PPP1R14C: variants seen among roughly 807,000 people sequenced by gnomAD.
The protein encoded by PPP1R14C is protein phosphatase 1 regulatory subunit 14C.
A neutral mutation model predicts 20.4 loss-of-function variants in PPP1R14C; 16 were observed. The observed-to-expected ratio is 0.78, with a 90% CI of 0.53 to 1.19. The LOEUF is 1.19. Ranked by LOEUF, PPP1R14C falls within the 50% of genes most tolerant of loss-of-function variation. The pLI is 0.00. For synonymous variants in PPP1R14C, 91 were observed against 91.0 expected (o/e 1.00, Z 0.00); for missense variants, 211 against 220.1 (o/e 0.96, Z 0.26).
chr6:150,174,360 C>T (rs1777533906), intron 1 of PPP1R14C, among the ~76,000 whole-genome samples: 1 of 151,960 alleles, frequency 6.6e-6, no homozygotes, highest in African/African-American at 2.4e-5. Context: ...GCTGGGACTA[C>T]CGGTGCCCCC....
rs778261326 is a variant in PPP1R14C at position 150,143,306 on chromosome 6, C to A, written c.114C>A (p.Ser38Arg). The A allele has an allele frequency of 1.8e-5, 29 of 1,571,592 alleles. No individual in the cohort carries two copies. Among genetic ancestry groups the A allele is most frequent in the Middle Eastern group, 1.8e-4 (1 of 5,664 alleles). Residue 38 changes from serine to arginine, a missense_variant, in exon 1 of 4, where the codon AGC (serine) becomes AGA (arginine). Ser to Arg is a moderately radical substitution (Grantham distance 110). Coordinates refer to ENST00000361131, the MANE Select transcript of PPP1R14C (RefSeq NM_030949.3). This position sits in a 1 kb window ranked among gnomAD's most constrained non-coding sequence, Gnocchi z 5.6. The stretch of plus-strand genomic sequence containing the variant: ...CCGGTGGCAGCCCCGGCTCCAGCAG[C>A]GGCTCAGGCTCCTCCCGGGAGGACT... ...GGAGGSPGSS[S>R]GSGSSREDSA...
intron 1 of PPP1R14C, among the ~76,000 whole-genome samples, chr6:150,158,477 G>A (rs149975432): frequency 2.6e-5 from 4 of 152,266 alleles, no homozygotes; most frequent in African/African-American, 9.6e-5. Flanking sequence ...TTTCTGCAAT[G>A]GGAGCTCTAT....
intron 1 of PPP1R14C, among the ~76,000 whole-genome samples, chr6:150,161,395 A>C (rs12530370): frequency 0.078 from 11,863 of 152,270 alleles, 503 homozygotes; most frequent in African/African-American, 0.081. Flanking sequence ...GCAAGAAAAT[A>C]TATGTGTGTA....
At chr6:150,229,640 A>G (rs537512008) in intron 3 of PPP1R14C, among the ~76,000 whole-genome samples, 1 of 152,356 alleles carries the variant, frequency 6.6e-6, no homozygotes, top group East Asian at 1.9e-4. Context: ...CAGATAGTCT[A>G]GAAAATAAGT....
In PPP1R14C at chr6:150,214,774, A is replaced by G. The variant is rs995640713; in HGVS notation, c.337A>G (p.Ile113Val). 3 of 1,613,296 alleles carry G rather than the reference A, an allele frequency of 1.9e-6. No homozygotes were observed. The African/African-American group carries it at 4.0e-5, about 22-fold the overall frequency. The change falls in exon 2 of 4, where the codon ATT (isoleucine) becomes GTT (valine). Residue 113 changes from isoleucine (I) to valine (V), a missense_variant. Coordinates refer to ENST00000361131, the MANE Select transcript of PPP1R14C (RefSeq NM_030949.3). ...EEEMPEVEIDIDDLLDADSDE... is the reference protein window; with the variant it reads ...EEEMPEVEIDVDDLLDADSDE... ...AGAAATGCCAGAGGTAGAAATTGAC[A>G]TTGATGATCTTCTTGATGCAGACAG...
intron 1 of PPP1R14C, among the ~76,000 whole-genome samples, chr6:150,158,658 A>G (rs1486913419): frequency 6.6e-6 from 1 of 152,212 alleles, no homozygotes; most frequent in Non-Finnish European, 1.5e-5. Flanking sequence ...GTTTTGTGCA[A>G]TGCACATGTA....
intron 1 of PPP1R14C, among the ~76,000 whole-genome samples, chr6:150,162,604 C>G (rs56255643): frequency 2.6e-5 from 4 of 151,956 alleles, no homozygotes; most frequent in African/African-American, 4.8e-5. Flanking sequence ...TGAAGGACAT[C>G]TTGGTTGCTT....
At chr6:150,246,060 C>T (rs1324146008) in intron 3 of PPP1R14C, among the ~76,000 whole-genome samples, 1 of 152,064 alleles carries the variant, frequency 6.6e-6, no homozygotes, top group Non-Finnish European at 1.5e-5. Context: ...TTTTTAATCT[C>T]TGAAATTTAT....
At chr6:150,207,880 CCT>C (rs1380416432) in intron 1 of PPP1R14C, among the ~76,000 whole-genome samples, 1 of 152,154 alleles carries the variant, frequency 6.6e-6, no homozygotes, top group Non-Finnish European at 1.5e-5. Context: ...CAATTTCCAA[CCT>C]CAAGGCCTGG....
In PPP1R14C at chr6:150,212,582, A is replaced by G. The variant is rs565666228; in HGVS notation, c.307-2162A>G. Among the ~76,000 whole-genome samples, 18 of 152,312 alleles carry G rather than the reference A, an allele frequency of 1.2e-4. No homozygotes were observed. The East Asian group carries it at 3.5e-3, about 29-fold the overall frequency. On this transcript the variant is annotated intron_variant, in intron 1 of 3. Transcript: ENST00000361131. ...GGCATTAGTTACTAATTGTTCTCTC[A>G]TTTCCTTTAAAAATAGCAGACACCA...
At chr6:150,153,435 A>G (rs1253950195) in intron 1 of PPP1R14C, among the ~76,000 whole-genome samples, 1 of 152,252 alleles carries the variant, frequency 6.6e-6, no homozygotes, top group East Asian at 1.9e-4. Context: ...AGGGATCACG[A>G]GTTACTGCCA....
At chr6:150,159,124 C>T (rs1345954158) in intron 1 of PPP1R14C, among the ~76,000 whole-genome samples, 1 of 152,172 alleles carries the variant, frequency 6.6e-6, no homozygotes, top group African/African-American at 2.4e-5. Context: ...TTCTGGAGCC[C>T]AGCCCTTTCC....
intron 1 of PPP1R14C, among the ~76,000 whole-genome samples, chr6:150,175,324 T>C (rs1334270154): frequency 6.6e-6 from 1 of 152,212 alleles, no homozygotes; most frequent in Admixed American, 6.5e-5. Flanking sequence ...GAGCTGGGTC[T>C]CTTGGATCTG....
Position 150,143,070 on chromosome 6 carries a change from C to A in PPP1R14C, c.-123C>A, listed in dbSNP as rs1777131787. The A allele has an allele frequency of 9.2e-7, 1 of 1,087,008 alleles. No individual in the cohort carries two copies. The highest frequency in any genetic ancestry group is 1.1e-6 in the Non-Finnish European group (1 of 899,886). The allele number at this position is 1,087,008 out of a possible 1,614,324, so 67.3% of individuals were successfully genotyped here. Reference sequence around the variant, plus strand: ...GAGCAGCCGGGCGGCTGGGCGCGCGCGGCGCAGAGCAGGTGCCGGGGAGCC... The same window carrying A: ...GAGCAGCCGGGCGGCTGGGCGCGCGAGGCGCAGAGCAGGTGCCGGGGAGCC... On this transcript the variant is annotated 5_prime_UTR_variant, in exon 1 of 4. Transcript: ENST00000361131. The surrounding 1 kb of genome is among the most constrained non-coding windows in gnomAD (Gnocchi z 5.6).
chr6:150,204,084 G>A (rs1777912120), intron 1 of PPP1R14C, among the ~76,000 whole-genome samples: 1 of 152,244 alleles, frequency 6.6e-6, no homozygotes, highest in African/African-American at 2.4e-5. Flanking sequence ...CCTGAGAAGA[G>A]AGGCTGCTGT....
rs146666154 is a variant in PPP1R14C, at chr6:150,191,971, G to C, written c.307-22773G>C. ...GGTACAGATTACTGTGTGCACAGAGGCTGGAGCTTGCTGACTCAGTGTCTG... is the reference window on the plus strand; with the variant it reads ...GGTACAGATTACTGTGTGCACAGAGCCTGGAGCTTGCTGACTCAGTGTCTG... On this transcript the variant is annotated intron_variant, in intron 1 of 3. Transcript: ENST00000361131. Among the ~76,000 whole-genome samples the C allele has an allele frequency of 7.9e-3, 1,209 of 152,256 alleles. 18 individuals are homozygous for C. The highest frequency in any genetic ancestry group is 0.026 in the African/African-American group (1,098 of 41,550).
intron 1 of PPP1R14C, among the ~76,000 whole-genome samples, chr6:150,180,601 T>A (rs1296132021): frequency 6.6e-6 from 1 of 152,204 alleles, no homozygotes; most frequent in African/African-American, 2.4e-5. Context: ...CCTGTTGTTT[T>A]CTCTGATGTC....
At chr6:150,166,541 A>G (rs1777424093) in intron 1 of PPP1R14C, among the ~76,000 whole-genome samples, 1 of 152,100 alleles carries the variant, frequency 6.6e-6, no homozygotes, top group Non-Finnish European at 1.5e-5. Flanking sequence ...GGGGCAGGGG[A>G]CAAGCAGATC....
intron 3 of PPP1R14C, among the ~76,000 whole-genome samples, chr6:150,227,769 T>G (rs1040135113): frequency 1.3e-5 from 2 of 152,244 alleles, no homozygotes; most frequent in Non-Finnish European, 2.9e-5. Context: ...CAGAATCAGA[T>G]GAAAACTACA....
Sources: gnomAD v4.1 joint callset for allele counts (sites outside exome capture counted in the v4.1 genomes callset) on GRCh38, gnomAD v4.1.1 for gene constraint, Gnocchi (gnomAD v3.1) non-coding constraint, MANE v1.5 for transcripts, NCBI Gene and HGNC (gene_info 2026-07-23, HGNC 2026-07-21) for gene names.